FGD4: variants seen among roughly 807,000 people sequenced by gnomAD.
The protein encoded by FGD4 is FYVE, RhoGEF and PH domain containing 4.
A neutral mutation model predicts 102.0 loss-of-function variants in FGD4; 42 were observed. The ratio of observed to expected loss-of-function variants is 0.41; its 90% CI spans 0.32 to 0.53. FGD4 has a LOEUF of 0.53. Ranked by LOEUF, FGD4 falls within the 20% of genes least tolerant of loss-of-function variation. FGD4 has a pLI of 0.21. For missense variants in FGD4, 902 were observed against 1,078.2 expected (o/e 0.84, Z 2.29); for synonymous variants, 380 against 375.7 (o/e 1.01, Z -0.13).
chr12:32,584,228 A>G (rs1946831119), intron 4 of FGD4, among the ~76,000 whole-genome samples: 1 of 152,200 alleles, frequency 6.6e-6, no homozygotes, highest in Non-Finnish European at 1.5e-5. Context: ...CGAACACCAC[A>G]TCTCTCCTGT....
intron 8 of FGD4, 136 bp from the exon 9 acceptor site, chr12:32,610,640 C>A: frequency 2.7e-6 from 2 of 732,468 alleles, no homozygotes; most frequent in Non-Finnish European, 4.6e-6. Context: ...AAGTATATAC[C>A]GTTTATAAAT....
At position 32,565,484 on chromosome 12, in the gene FGD4, A is replaced by G. The variant is rs113435372; in HGVS notation, c.319+1195A>G. ...TTTTATTTCCAAAATATAAAATTCCATTTCGCCCATTAGACCCGAGTTGAC... is the reference window on the plus strand; with the variant it reads ...TTTTATTTCCAAAATATAAAATTCCGTTTCGCCCATTAGACCCGAGTTGAC... On this transcript the variant is annotated intron_variant, in intron 2 of 16. Transcript: ENST00000534526. Among the ~76,000 whole-genome samples the G allele has an allele frequency of 7.8e-3, 1,182 of 152,312 alleles. 26 individuals carry two copies. Among genetic ancestry groups the G allele is most frequent in the African/African-American group, 0.027 (1,115 of 41,580 alleles).
chr12:32,587,061 A>G (rs1208014538), intron 4 of FGD4, among the ~76,000 whole-genome samples: 5 of 151,860 alleles, frequency 3.3e-5, no homozygotes, highest in Admixed American at 3.3e-4. Flanking sequence ...CGCAGTAGCA[A>G]GCACCTGTAG....
chr12:32,640,511 C>T lies in FGD4; in HGVS notation c.2690C>T (p.Pro897Leu). The change falls in exon 17 of 17, where the codon CCT becomes CTT. Residue 897 changes from proline to leucine, a missense_variant. Coordinates refer to ENST00000534526, the MANE Select transcript of FGD4 (RefSeq NM_001370298.3). The part of the protein sequence containing the change: ...HPATLDDHPE[P>L]KKKSEC ...GCCACCTTGGATGATCATCCTGAAC[C>T]TAAGAAAAAATCAGAATGCTGAACT... The T allele has an allele frequency of 6.2e-7, 1 of 1,614,024 alleles. No individual in the cohort carries two copies. The highest frequency in any genetic ancestry group is 8.5e-7 in the Non-Finnish European group (1 of 1,180,014).
At chr12:32,555,611 A>G (rs896640130) in intron 1 of FGD4, among the ~76,000 whole-genome samples, 1 of 135,678 alleles carries the variant, frequency 7.4e-6, no homozygotes, top group Non-Finnish European at 1.5e-5. Flanking sequence ...TCGCTCTGTC[A>G]CCCAGGCTGA....
At chr12:32,552,516 A>C (rs2136200877) in intron 1 of FGD4, among the ~76,000 whole-genome samples, 1 of 145,116 alleles carries the variant, frequency 6.9e-6, no homozygotes, top group Non-Finnish European at 1.5e-5. Context: ...TCCTGACCTC[A>C]GGTGATCCGC....
chr12:32,498,684 A>G (rs903102368), intron 1 of FGD4, among the ~76,000 whole-genome samples: 8 of 152,086 alleles, frequency 5.3e-5, no homozygotes, highest in African/African-American at 1.7e-4. Context: ...GCTTACTGCA[A>G]CCACTGCCTC....
At chr12:32,493,953 A>G (rs1375236128) in intron 1 of FGD4, among the ~76,000 whole-genome samples, 1 of 152,246 alleles carries the variant, frequency 6.6e-6, no homozygotes, top group Non-Finnish European at 1.5e-5. Flanking sequence ...CACTGTAGAA[A>G]CAAGAGGAAG....
In FGD4 at chr12:32,644,826, C is replaced by T. The variant is rs1398145041; in HGVS notation, c.*4293C>T. Reference sequence around the variant, plus strand: ...ACTATGATATCTTGTTATTCTTTTTCTCCTTTGGGCTTTTAAAAAATAATT... The same window carrying T: ...ACTATGATATCTTGTTATTCTTTTTTTCCTTTGGGCTTTTAAAAAATAATT... On this transcript the variant is annotated 3_prime_UTR_variant, in exon 17 of 17. Transcript: ENST00000534526. 1.3e-5 allele frequency: 2 copies of T among 151,468 alleles called. No homozygotes were observed. The highest frequency in any genetic ancestry group is 2.9e-5 in the Non-Finnish European group (2 of 67,924). The allele number at this position is 151,468 out of a possible 1,614,324, so 9.4% of individuals were successfully genotyped here.
intron 1 of FGD4, among the ~76,000 whole-genome samples, chr12:32,464,003 A>T (rs1386410654): frequency 6.6e-6 from 1 of 152,212 alleles, no homozygotes; most frequent in Non-Finnish European, 1.5e-5. Flanking sequence ...TCACGTAGCC[A>T]CTAAGTAGAC....
chr12:32,458,811 C>T (rs544569067), intron 1 of FGD4, among the ~76,000 whole-genome samples: 92 of 152,262 alleles, frequency 6.0e-4, no homozygotes, highest in African/African-American at 2.2e-3. Context: ...CAATACTTCA[C>T]GGGTACAACT....
At chr12:32,523,536 G>A (rs2136757295) in intron 1 of FGD4, among the ~76,000 whole-genome samples, 1 of 152,296 alleles carries the variant, frequency 6.6e-6, no homozygotes, top group South Asian at 2.1e-4. Context: ...GAAAGAGATG[G>A]GGTTAAAGGA....
intron 1 of FGD4, among the ~76,000 whole-genome samples, chr12:32,514,999 G>C (rs1331740221): frequency 1.3e-5 from 2 of 152,090 alleles, no homozygotes; most frequent in East Asian, 3.9e-4. Flanking sequence ...TTAAAGGCTT[G>C]AGTCACCACT....
chr12:32,625,829 T>C (rs747747420), intron 14 of FGD4, 50 bp downstream of exon 14: 3 of 1,611,010 alleles, frequency 1.9e-6, no homozygotes, highest in East Asian at 2.2e-5. Flanking sequence ...ATATAAGTGA[T>C]GTAAAGTCAT....
rs981644465 is a variant in FGD4 at position 32,544,606 on chromosome 12, A to G, written c.167-19531A>G. Among the ~76,000 whole-genome samples, 3 of 151,620 alleles carry G rather than the reference A, an allele frequency of 2.0e-5. No individual in the cohort carries two copies. The highest frequency in any genetic ancestry group is 4.4e-5 in the Non-Finnish European group (3 of 67,956). ...AAATGAGCCGGGCGTGGTGGCTCACACCTGTGGTTCCAGCTACTCAGGAGG... is the reference window on the plus strand; with the variant it reads ...AAATGAGCCGGGCGTGGTGGCTCACGCCTGTGGTTCCAGCTACTCAGGAGG... On this transcript the variant is annotated intron_variant, in intron 1 of 16. Transcript: ENST00000534526. The surrounding 1 kb of genome is among the most constrained non-coding windows in gnomAD (Gnocchi z 4.1).
At chr12:32,438,799 G>A (rs574747741) in intron 1 of FGD4, among the ~76,000 whole-genome samples, 8 of 151,916 alleles carry the variant, frequency 5.3e-5, no homozygotes, top group Non-Finnish European at 1.0e-4. Context: ...TAGTAGAGAC[G>A]GGGTTTCACC....
chr12:32,505,098 G>A (rs1938580712), intron 1 of FGD4, among the ~76,000 whole-genome samples: 1 of 152,152 alleles, frequency 6.6e-6, no homozygotes, highest in African/African-American at 2.4e-5. Context: ...GAATACTAGG[G>A]ATCTGAAGTG....
intron 7 of FGD4, among the ~76,000 whole-genome samples, chr12:32,607,473 G>C (rs1948851659): frequency 6.6e-6 from 1 of 152,170 alleles, no homozygotes; most frequent in Non-Finnish European, 1.5e-5. Flanking sequence ...CAAAGATTGT[G>C]ATGTTACAGA....
intron 2 of FGD4, among the ~76,000 whole-genome samples, chr12:32,575,039 G>A (rs1162203196): frequency 6.6e-6 from 1 of 152,056 alleles, no homozygotes; most frequent in Admixed American, 6.6e-5. Flanking sequence ...TGCACTTACG[G>A]CATATTATTT....
Sources: allele counts gnomAD v4.1 joint callset (sites outside exome capture counted in the v4.1 genomes callset), GRCh38; gene constraint gnomAD v4.1.1; non-coding constraint Gnocchi (gnomAD v3.1); transcripts MANE v1.5; gene names NCBI Gene and HGNC (gene_info 2026-07-23, HGNC 2026-07-21).